Variants in SCHIP1 observed in about 807,000 individuals in gnomAD.
SCHIP1 encodes the protein schwannomin interacting protein 1, also known as schwannomin-interacting protein 1.
Under a neutral mutation model 29.7 loss-of-function variants are expected in SCHIP1, and 8 were observed. The ratio of observed to expected loss-of-function variants is 0.27; its 90% CI spans 0.16 to 0.49. The LOEUF is 0.49. SCHIP1 is among the 20% of genes least tolerant of loss of function. SCHIP1 has a pLI of 0.99. For synonymous variants in SCHIP1, 76 were observed against 94.9 expected, an observed-to-expected ratio of 0.80 and a Z score of 1.16; for missense variants, 193 against 294.6, an observed-to-expected ratio of 0.66 and a Z score of 2.52.
At chr3:159,850,436 C>G (rs950843308) in intron 1 of SCHIP1, among the ~76,000 whole-genome samples, 1 of 151,096 alleles carries the variant, frequency 6.6e-6, no homozygotes. Context: ...CACCTGTAAT[C>G]TCAGCTACTT....
the SCHIP1 span, among the ~76,000 whole-genome samples, chr3:159,509,606 T>C: frequency 6.6e-6 from 1 of 152,232 alleles, no homozygotes; most frequent in Non-Finnish European, 1.5e-5. Context: ...TGGCTGGTAC[T>C]GGTTGTTCCT....
At chr3:159,289,503 T>C in the SCHIP1 span, among the ~76,000 whole-genome samples, 1 of 152,130 alleles carries the variant, frequency 6.6e-6, no homozygotes, top group African/African-American at 2.4e-5. Flanking sequence ...TCTGGCAGCC[T>C]CTCCCTCATG....
At chr3:159,588,947 C>T in the SCHIP1 span, among the ~76,000 whole-genome samples, 1 of 152,132 alleles carries the variant, frequency 6.6e-6, no homozygotes, top group Non-Finnish European at 1.5e-5. Flanking sequence ...GCAATGTGGG[C>T]TCTTTTTTGG....
chr3:159,718,697 G>C, the SCHIP1 span, among the ~76,000 whole-genome samples: 1 of 152,078 alleles, frequency 6.6e-6, no homozygotes. Context: ...ACCTCTTCAA[G>C]GAGAATTACA....
At chr3:159,739,160 C>T in the SCHIP1 span, among the ~76,000 whole-genome samples, 3 of 152,324 alleles carry the variant, frequency 2.0e-5, no homozygotes, top group Admixed American at 2.0e-4. Flanking sequence ...TCTTGATAGA[C>T]TCACACAAGA....
the SCHIP1 span, among the ~76,000 whole-genome samples, chr3:159,429,854 C>G: frequency 6.6e-6 from 1 of 152,218 alleles, no homozygotes; most frequent in East Asian, 1.9e-4. Flanking sequence ...TCCCATATGA[C>G]AGGAGAGATG....
the SCHIP1 span, among the ~76,000 whole-genome samples, chr3:159,655,035 A>G: frequency 6.6e-6 from 1 of 152,270 alleles, no homozygotes; most frequent in Admixed American, 6.5e-5. Context: ...GTCCCTATTG[A>G]GCACAGTACA....
the SCHIP1 span, among the ~76,000 whole-genome samples, chr3:159,476,665 C>A: frequency 6.6e-6 from 1 of 152,164 alleles, no homozygotes; most frequent in Non-Finnish European, 1.5e-5. Flanking sequence ...ACAGCAATTT[C>A]TAAATGTTAT....
chr3:159,781,293 G>A, the SCHIP1 span, among the ~76,000 whole-genome samples: 5 of 152,022 alleles, frequency 3.3e-5, no homozygotes, highest in African/African-American at 9.7e-5. Flanking sequence ...CACCTGCCTC[G>A]GCCTCTCAAG....
At chr3:159,623,176 A>G in the SCHIP1 span, among the ~76,000 whole-genome samples, 1 of 152,182 alleles carries the variant, frequency 6.6e-6, no homozygotes, top group Non-Finnish European at 1.5e-5. Flanking sequence ...GTGTTTTAAA[A>G]AGTAAACTGC....
At chr3:159,643,725 T>G in the SCHIP1 span, among the ~76,000 whole-genome samples, 259 of 152,230 alleles carry the variant, frequency 1.7e-3, 1 homozygote, top group African/African-American at 6.0e-3. Context: ...GGTTGATCAT[T>G]TTCTCTGACT....
At chr3:159,508,914 C>T in the SCHIP1 span, among the ~76,000 whole-genome samples, 5 of 152,126 alleles carry the variant, frequency 3.3e-5, no homozygotes. Context: ...GGAATAAGTG[C>T]AGTGTGGTGC....
At chr3:159,650,684 T>G in the SCHIP1 span, among the ~76,000 whole-genome samples, 1 of 152,196 alleles carries the variant, frequency 6.6e-6, no homozygotes, top group Admixed American at 6.6e-5. Flanking sequence ...AGCAAAAAAG[T>G]GGAACCTGTC....
chr3:159,688,474 T>A, the SCHIP1 span, among the ~76,000 whole-genome samples: 1 of 152,226 alleles, frequency 6.6e-6, no homozygotes, highest in Non-Finnish European at 1.5e-5. Context: ...TTTCTTTAAG[T>A]TCCTTGTAGA....
the SCHIP1 span, among the ~76,000 whole-genome samples, chr3:159,527,073 G>A: frequency 5.2e-4 from 79 of 152,334 alleles, no homozygotes; most frequent in Admixed American, 2.5e-3. Flanking sequence ...CCTGGAAAAT[G>A]TGGTCACAAC....
At chr3:159,731,781 C>T in the SCHIP1 span, among the ~76,000 whole-genome samples, 1 of 152,284 alleles carries the variant, frequency 6.6e-6, no homozygotes, top group East Asian at 1.9e-4. Context: ...TGCCAGAAAC[C>T]ATTTTTGTAA....
the SCHIP1 span, among the ~76,000 whole-genome samples, chr3:159,394,338 C>T: frequency 6.6e-6 from 1 of 152,090 alleles, no homozygotes; most frequent in Admixed American, 6.6e-5. Flanking sequence ...CTGGCCAGAA[C>T]TTCCAACACT....
chr3:159,788,428 A>G, the SCHIP1 span, among the ~76,000 whole-genome samples: 5 of 152,328 alleles, frequency 3.3e-5, no homozygotes, highest in East Asian at 7.7e-4. Context: ...CCGAGTGTAG[A>G]GCGTTCTTTC....
the SCHIP1 span, among the ~76,000 whole-genome samples, chr3:159,285,932 G>A: frequency 6.6e-6 from 1 of 151,754 alleles, no homozygotes; most frequent in African/African-American, 2.4e-5. Flanking sequence ...TCAGTTTGTT[G>A]TTTCTATATC....
Sources: allele counts gnomAD v4.1 joint callset (sites outside exome capture counted in the v4.1 genomes callset), GRCh38; gene constraint gnomAD v4.1.1; transcripts MANE v1.5; gene names NCBI Gene and HGNC (gene_info 2026-07-23, HGNC 2026-07-21).